The following CALN1 variants were observed in gnomAD, a reference collection of about 807,000 sequenced individuals.
The protein encoded by CALN1 is calneuron 1.
Under a neutral mutation model 30.6 loss-of-function variants are expected in CALN1, and 17 were observed. The observed-to-expected ratio is 0.56, with a 90% CI of 0.38 to 0.83. The LOEUF is 0.83. CALN1 is among the 40% of genes least tolerant of loss of function. The pLI is 0.00. For synonymous variants in CALN1, 156 were observed against 131.4 expected (o/e 1.19, Z -1.28); for missense variants, 291 against 354.9 (o/e 0.82, Z 1.45).
chr7:72,017,448 CG>C (rs1227238041), intron 5 of CALN1, among the ~76,000 whole-genome samples: 1 of 152,118 alleles, frequency 6.6e-6, no homozygotes, highest in Non-Finnish European at 1.5e-5. Context: ...AATTGGGGAA[CG>C]AGTACCCTAT....
chr7:72,221,314 T>G (rs1466905451), intron 3 of CALN1, among the ~76,000 whole-genome samples: 1 of 61,276 alleles, frequency 1.6e-5, no homozygotes, highest in Non-Finnish European at 4.6e-5. Context: ...CTTGGCTTCT[T>G]TTTTTTTTTT....
At chr7:72,426,701 G>A (rs1158979438) in intron 1 of CALN1, among the ~76,000 whole-genome samples, 1 of 152,224 alleles carries the variant, frequency 6.6e-6, no homozygotes, top group African/African-American at 2.4e-5. Context: ...AGGCAGGGCT[G>A]TTCTGCTGTA....
intron 2 of CALN1, among the ~76,000 whole-genome samples, chr7:72,324,802 T>A (rs1801153269): frequency 1.3e-5 from 2 of 151,564 alleles, no homozygotes; most frequent in Admixed American, 6.6e-5. Context: ...CAGGCTGGTC[T>A]TGAACTCGTG....
chr7:72,256,322 T>A (rs191312513), intron 3 of CALN1, among the ~76,000 whole-genome samples: 1 of 152,152 alleles, frequency 6.6e-6, no homozygotes, highest in African/African-American at 2.4e-5. Context: ...TAGCCGGGTG[T>A]TGTGACATGG....
intron 3 of CALN1, among the ~76,000 whole-genome samples, chr7:72,189,516 G>C (rs1790453070): frequency 6.6e-6 from 1 of 152,124 alleles, no homozygotes; most frequent in Non-Finnish European, 1.5e-5. Flanking sequence ...CAGCCCTTTG[G>C]GAGGCCAAGA....
At chr7:72,234,444 G>C (rs1047930955) in intron 3 of CALN1, among the ~76,000 whole-genome samples, 1 of 151,782 alleles carries the variant, frequency 6.6e-6, no homozygotes, top group Non-Finnish European at 1.5e-5. Flanking sequence ...TTTTTGTTTT[G>C]TTTTGTTTTT....
At chr7:72,076,654 A>AAAAAAAAACCCCCC (rs1804765707) in intron 4 of CALN1, among the ~76,000 whole-genome samples, 1 of 106,248 alleles carries the variant, frequency 9.4e-6, no homozygotes, top group Non-Finnish European at 1.8e-5. Context: ...AAAAGCAAAG[A>AAAAAAAAACCCCCC]CATGCCCTCC....
At chr7:72,267,257 T>C (rs954735854) in intron 3 of CALN1, among the ~76,000 whole-genome samples, 2 of 152,070 alleles carry the variant, frequency 1.3e-5, no homozygotes, top group Non-Finnish European at 2.9e-5. Context: ...GGGACCTTCA[T>C]TACAAGAAAA....
chr7:71,858,012 A>G (rs1358602994), intron 5 of CALN1, among the ~76,000 whole-genome samples: 1 of 152,160 alleles, frequency 6.6e-6, no homozygotes, highest in Non-Finnish European at 1.5e-5. Flanking sequence ...CAAAAGGCAA[A>G]TAAATCTCAG....
Position 71,834,217 on chromosome 7 carries a change from C to CAAA in CALN1, c.502-23728_502-23726dup, listed in dbSNP as rs11313802. 1.7e-3 allele frequency among the ~76,000 whole-genome samples: 81 copies of CAAA among 48,294 alleles called. 1 individual carries two copies. Among genetic ancestry groups the CAAA allele is most frequent in the African/African-American group, 6.3e-3 (69 of 10,944 alleles). 31.7% of individuals were successfully genotyped at this position (48,294 alleles called of 152,430 possible). A position where few individuals can be genotyped will look rare whatever the true frequency, so the allele number is the denominator to read the frequency against. ...CTGGTGACAGAGCGAGACTCCATCT[C>CAAA]AAAAAAAAAAAAAAAAAAAAAACCA... On this transcript the variant is annotated intron_variant, in intron 5 of 6. Coordinates refer to ENST00000395275, the MANE Select transcript of CALN1 (RefSeq NM_031468.4).
chr7:72,383,221 C>T (rs1323998327), intron 2 of CALN1, among the ~76,000 whole-genome samples: 2 of 152,164 alleles, frequency 1.3e-5, no homozygotes, highest in African/African-American at 2.4e-5. Flanking sequence ...CTGCAATGAA[C>T]GTAACGGTAC....
intron 3 of CALN1, among the ~76,000 whole-genome samples, chr7:72,278,012 G>GGGT (rs1554348538): frequency 7.2e-6 from 1 of 138,636 alleles, no homozygotes; most frequent in Non-Finnish European, 1.6e-5. Context: ...CTATTCCGGG[G>GGGT]GGGGGGGACT....
At chr7:72,434,683 A>T (rs531571292) in intron 1 of CALN1, among the ~76,000 whole-genome samples, 1 of 152,350 alleles carries the variant, frequency 6.6e-6, no homozygotes, top group African/African-American at 2.4e-5. Context: ...TCTCTTAGCT[A>T]TAAGACCATG....
At chr7:72,046,139 C>T (rs1802455779) in intron 4 of CALN1, among the ~76,000 whole-genome samples, 1 of 151,896 alleles carries the variant, frequency 6.6e-6, no homozygotes, top group Non-Finnish European at 1.5e-5. Flanking sequence ...CCAGCAAAAC[C>T]CTGTCTCTAT....
chr7:72,311,482 T>TTG lies in CALN1; in HGVS notation c.120-32674_120-32673dup, dbSNP rs574830647. Among the ~76,000 whole-genome samples, 910 of 151,132 alleles carry TTG rather than the reference T, an allele frequency of 6.0e-3. 2 individuals carry two copies. Among genetic ancestry groups the TTG allele is most frequent in the African/African-American group, 8.7e-3 (360 of 41,214 alleles). Reference sequence around the variant, plus strand: ...ATCAACTGTATTTCTTTTTTCTTTTTTGTGTGTGTGTGTGTAAGACAAGGT... The same window carrying TTG: ...ATCAACTGTATTTCTTTTTTCTTTTTTGTGTGTGTGTGTGTGTAAGACAAGGT... On this transcript the variant is annotated intron_variant, in intron 2 of 6. Coordinates refer to ENST00000395275, the MANE Select transcript of CALN1 (RefSeq NM_031468.4).
At chr7:71,815,941 G>A (rs940543485) in intron 5 of CALN1, among the ~76,000 whole-genome samples, 3 of 150,636 alleles carry the variant, frequency 2.0e-5, no homozygotes, top group Admixed American at 2.0e-4. Context: ...GCAGTAGTGC[G>A]ATCATAGCTT....
intron 5 of CALN1, among the ~76,000 whole-genome samples, chr7:71,870,970 T>C (rs1791889338): frequency 6.6e-6 from 1 of 152,084 alleles, no homozygotes; most frequent in Admixed American, 6.6e-5. Context: ...ACATATTCAG[T>C]TTCTCCTTCT....
chr7:71,870,235 T>C (rs536358524), intron 5 of CALN1, among the ~76,000 whole-genome samples: 1 of 152,154 alleles, frequency 6.6e-6, no homozygotes, highest in African/African-American at 2.4e-5. Context: ...ATACAAAAAT[T>C]AGCTAGGCAT....
intron 3 of CALN1, among the ~76,000 whole-genome samples, chr7:72,190,648 G>A (rs1790531527): frequency 6.6e-6 from 1 of 152,178 alleles, no homozygotes; most frequent in South Asian, 2.1e-4. Flanking sequence ...ATTAATGTGT[G>A]CATGTTTCAG....
Sources: gnomAD v4.1 joint callset for allele counts (sites outside exome capture counted in the v4.1 genomes callset) on GRCh38, gnomAD v4.1.1 for gene constraint, MANE v1.5 for transcripts, NCBI Gene and HGNC (gene_info 2026-07-23, HGNC 2026-07-21) for gene names.